The following KCNQ1 variants were observed in gnomAD, a reference collection of about 807,000 sequenced individuals.
KCNQ1 encodes the protein potassium voltage-gated channel subfamily Q member 1, also known as potassium voltage-gated channel subfamily KQT member 1.
KCNQ1 carries 49 observed loss-of-function variants against 72.4 expected under a neutral mutation model. The observed-to-expected ratio is 0.68, with a 90% CI of 0.54 to 0.86. The LOEUF (loss-of-function observed/expected upper bound fraction) is 0.86, where lower values mean the gene tolerates loss of function less well. KCNQ1 is among the 40% of genes least tolerant of loss of function. The probability of loss-of-function intolerance (pLI) is 0.00; values close to 1 mark genes in which losing one functional copy is unlikely to be tolerated. For missense variants in KCNQ1, 790 were observed against 945.1 expected (o/e 0.84, Z 2.15); for synonymous variants, 450 against 412.6 (o/e 1.09, Z -1.10).
At chr11:2,693,998 C>G in intron 11 of KCNQ1, 1 of 398,728 alleles carries the variant, frequency 2.5e-6, no homozygotes, top group Non-Finnish European at 4.4e-6. Flanking sequence ...CCCGGCCTCT[C>G]TAGGCCACCT....
chr11:2,476,245 C>T (rs187152022), intron 1 of KCNQ1, among the ~76,000 whole-genome samples: 1 of 152,012 alleles, frequency 6.6e-6, no homozygotes, highest in East Asian at 1.9e-4. Context: ...AAATTAAGAA[C>T]CTATGCTGGA....
intron 10 of KCNQ1, chr11:2,639,041 T>C (rs180757209): frequency 1.3e-5 from 2 of 152,362 alleles, no homozygotes; most frequent in East Asian, 3.9e-4. Flanking sequence ...CACGTAGTTC[T>C]TGTGCCATGG....
At chr11:2,800,970 G>C (rs1447085546) in intron 15 of KCNQ1, among the ~76,000 whole-genome samples, 1 of 152,186 alleles carries the variant, frequency 6.6e-6, no homozygotes, top group Non-Finnish European at 1.5e-5. Context: ...AAGGCATGGG[G>C]AGGCAGGAGA....
intron 15 of KCNQ1, among the ~76,000 whole-genome samples, chr11:2,792,013 C>T (rs1412365782): frequency 6.6e-6 from 1 of 152,198 alleles, no homozygotes; most frequent in South Asian, 2.1e-4. Flanking sequence ...AACACGGGGC[C>T]GAGGCGCGCT....
rs1203511196 is a variant in KCNQ1 at position 2,507,102 on chromosome 11, G to T, written c.387-20826G>T. On this transcript the variant is annotated intron_variant, in intron 1 of 15. Transcript: ENST00000155840. The surrounding 1 kb of genome is among the most constrained non-coding windows in gnomAD (Gnocchi z 5.4). Reference sequence around the variant, plus strand: ...CTTCTTTCTACTGACTCCGGATTCAGGGCCACAGTTGAGAGCTTTTTCCTC... The same window carrying T: ...CTTCTTTCTACTGACTCCGGATTCATGGCCACAGTTGAGAGCTTTTTCCTC... 1.3e-5 allele frequency among the ~76,000 whole-genome samples: 2 copies of T among 152,186 alleles called. No homozygotes were observed. Among genetic ancestry groups the T allele is most frequent in the African/African-American group, 4.8e-5 (2 of 41,452 alleles).
intron 1 of KCNQ1, among the ~76,000 whole-genome samples, chr11:2,480,485 A>G (rs1442503624): frequency 6.6e-6 from 1 of 152,250 alleles, no homozygotes; most frequent in Non-Finnish European, 1.5e-5. Flanking sequence ...TAAAACCATC[A>G]GATCTCATGA....
Position 2,667,135 on chromosome 11 carries a change from G to A in KCNQ1, c.1514+5054G>A, listed in dbSNP as rs566034359. The A allele has an allele frequency of 2.8e-5, 11 of 398,654 alleles. No homozygotes were observed. In the South Asian group the frequency reaches 6.4e-4, roughly 23 times the overall value. The allele number at this position is 398,654 out of a possible 1,614,324, so 24.7% of individuals were successfully genotyped here. ...CGTAATGGCTCAGTGGGAAAGAGATGGGATTGGGAATCAGATGCCCTCAAT... is the reference window on the plus strand; with the variant it reads ...CGTAATGGCTCAGTGGGAAAGAGATAGGATTGGGAATCAGATGCCCTCAAT... On this transcript the variant is annotated intron_variant, in intron 11 of 15. Coordinates refer to ENST00000155840, the MANE Select transcript of KCNQ1 (RefSeq NM_000218.3).
Position 2,642,339 on chromosome 11 carries a change from A to G in KCNQ1, c.1394-19622A>G. 2.5e-6 allele frequency: 1 copy of G among 398,124 alleles called. No individual in the cohort carries two copies. The highest frequency in any genetic ancestry group is 4.4e-6 in the Non-Finnish European group (1 of 225,814). The allele number at this position is 398,124 out of a possible 1,614,324, so 24.7% of individuals were successfully genotyped here. On this transcript the variant is annotated intron_variant, in intron 10 of 15. Coordinates refer to ENST00000155840, the MANE Select transcript of KCNQ1 (RefSeq NM_000218.3). This position sits in a 1 kb window ranked among gnomAD's most constrained non-coding sequence, Gnocchi z 4.3. ...TAGAGGTTTCTCACCTCTTTGGTTA[A>G]ACTCATTCCTAGATTTTTTGTAGTG...
chr11:2,649,648 A>G (rs1849727617), intron 10 of KCNQ1: 1 of 398,420 alleles, frequency 2.5e-6, no homozygotes, highest in African/African-American at 2.1e-5. Flanking sequence ...CCTGGCCTAG[A>G]AGGTTTCTGC....
In KCNQ1 at chr11:2,826,934, G is replaced by T. The variant is rs183837830; in HGVS notation, c.1795-20833G>T. Among the ~76,000 whole-genome samples, 1 of 152,224 alleles carries T rather than the reference G, an allele frequency of 6.6e-6. No individual in the cohort carries two copies. Among genetic ancestry groups the T allele is most frequent in the South Asian group, 2.1e-4 (1 of 4,834 alleles). ...AAGCCAGGCAGGTGGCCCATGAGCCGTGGAGTAGGTGGGGAAGGGGACATC... is the reference window on the plus strand; with the variant it reads ...AAGCCAGGCAGGTGGCCCATGAGCCTTGGAGTAGGTGGGGAAGGGGACATC... On this transcript the variant is annotated intron_variant, in intron 15 of 15. Coordinates refer to ENST00000155840, the MANE Select transcript of KCNQ1 (RefSeq NM_000218.3). The surrounding 1 kb of genome is among the most constrained non-coding windows in gnomAD (Gnocchi z 4.2).
chr11:2,751,244 C>T (rs958916474), intron 11 of KCNQ1, among the ~76,000 whole-genome samples: 1 of 152,216 alleles, frequency 6.6e-6, no homozygotes, highest in East Asian at 1.9e-4. Flanking sequence ...ACCTTTCTTT[C>T]TCCAACTAGC....
chr11:2,719,091 C>T (rs2133927260), intron 11 of KCNQ1, among the ~76,000 whole-genome samples: 1 of 152,338 alleles, frequency 6.6e-6, no homozygotes, highest in South Asian at 2.1e-4. Context: ...GCAAGTGGAG[C>T]CCCAACCGCA....
At chr11:2,811,758 G>A (rs921482517) in intron 15 of KCNQ1, among the ~76,000 whole-genome samples, 5 of 152,244 alleles carry the variant, frequency 3.3e-5, no homozygotes, top group African/African-American at 1.2e-4. Flanking sequence ...GTGGGCCTGG[G>A]AGCTGAGCAA....
intron 2 of KCNQ1, among the ~76,000 whole-genome samples, chr11:2,529,980 C>G (rs1251379271): frequency 3.3e-5 from 5 of 152,160 alleles, no homozygotes; most frequent in Non-Finnish European, 7.4e-5. Context: ...GAGGGGCCCC[C>G]CTTGCCTTCC....
At chr11:2,753,712 G>A (rs1238583635) in intron 11 of KCNQ1, among the ~76,000 whole-genome samples, 1 of 152,210 alleles carries the variant, frequency 6.6e-6, no homozygotes, top group Non-Finnish European at 1.5e-5. Flanking sequence ...GGCCCCATGG[G>A]GATGGCTTGT....
intron 6 of KCNQ1, among the ~76,000 whole-genome samples, chr11:2,583,068 C>T (rs1199212020): frequency 2.6e-5 from 4 of 152,146 alleles, no homozygotes; most frequent in Admixed American, 6.5e-5. Flanking sequence ...TCCTGGGGGC[C>T]GGCGCACAGC....
chr11:2,804,629 T>C (rs1356590147), intron 15 of KCNQ1, among the ~76,000 whole-genome samples: 1 of 152,312 alleles, frequency 6.6e-6, no homozygotes, highest in Middle Eastern at 3.4e-3. Context: ...AAATAGCTGA[T>C]ATTTCTAAAG....
At chr11:2,616,454 T>C (rs898769347) in intron 10 of KCNQ1, 9 of 397,864 alleles carry the variant, frequency 2.3e-5, no homozygotes, top group Non-Finnish European at 3.5e-5. Flanking sequence ...ACTTCGTTCT[T>C]CTTTCTCTGG....
chr11:2,788,880 G>A (rs995824827), intron 15 of KCNQ1, among the ~76,000 whole-genome samples: 2 of 152,152 alleles, frequency 1.3e-5, no homozygotes, highest in African/African-American at 4.8e-5. Flanking sequence ...CTGCACAGGG[G>A]TGGGTGTGTC....
Sources: gnomAD v4.1 joint callset for allele counts (sites outside exome capture counted in the v4.1 genomes callset) on GRCh38, gnomAD v4.1.1 for gene constraint, Gnocchi (gnomAD v3.1) non-coding constraint, MANE v1.5 for transcripts, NCBI Gene and HGNC (gene_info 2026-07-23, HGNC 2026-07-21) for gene names.